The following VPS13A variants were observed in gnomAD, a reference collection of about 807,000 sequenced individuals.
VPS13A encodes the protein vacuolar protein sorting 13 homolog A.
Under a neutral mutation model 390.9 loss-of-function variants are expected in VPS13A, and 264 were observed. The ratio of observed to expected loss-of-function variants is 0.68; its 90% CI spans 0.61 to 0.75. The LOEUF is 0.75. Ranked by LOEUF, VPS13A falls within the 30% of genes least tolerant of loss-of-function variation. The pLI is 0.00. For missense variants in VPS13A, 3,409 were observed against 3,733.9 expected (o/e 0.91, Z 2.27); for synonymous variants, 1,231 against 1,227.1 (o/e 1.00, Z -0.07).
At chr9:77,240,293 G>A (rs1446974652) in intron 19 of VPS13A, among the ~76,000 whole-genome samples, 2 of 151,456 alleles carry the variant, frequency 1.3e-5, no homozygotes, top group Non-Finnish European at 2.9e-5. Context: ...CACTGTGTTG[G>A]CCAGGCTGGT....
intron 1 of VPS13A, among the ~76,000 whole-genome samples, chr9:77,178,759 C>A (rs778846807): frequency 6.6e-6 from 1 of 152,118 alleles, no homozygotes; most frequent in Non-Finnish European, 1.5e-5. Flanking sequence ...AAATTAGACT[C>A]CTTTGTGAAA....
chr9:77,187,902 T>G (rs897283514), intron 1 of VPS13A, among the ~76,000 whole-genome samples: 3 of 152,190 alleles, frequency 2.0e-5, no homozygotes. Flanking sequence ...GTTTGTTGTT[T>G]CCTTCTTTGT....
At chr9:77,196,483 T>A (rs1825009603) in intron 1 of VPS13A, among the ~76,000 whole-genome samples, 1 of 152,150 alleles carries the variant, frequency 6.6e-6, no homozygotes, top group Non-Finnish European at 1.5e-5. Flanking sequence ...CTATTTCCCC[T>A]CTCGCCAGTA....
intron 10 of VPS13A, among the ~76,000 whole-genome samples, chr9:77,217,801 G>A (rs1433018195): frequency 1.4e-5 from 2 of 145,962 alleles, no homozygotes; most frequent in African/African-American, 2.5e-5. Context: ...TTTTTGGATA[G>A]AATGGTTTCT....
intron 35 of VPS13A, among the ~76,000 whole-genome samples, chr9:77,313,791 A>G (rs1269455856): frequency 1.3e-5 from 2 of 152,176 alleles, no homozygotes; most frequent in Non-Finnish European, 2.9e-5. Context: ...CAAGTGTTCA[A>G]TTAATATTCC....
chr9:77,312,469 C>G (rs1829138851), intron 35 of VPS13A, among the ~76,000 whole-genome samples: 1 of 151,672 alleles, frequency 6.6e-6, no homozygotes, highest in Non-Finnish European at 1.5e-5. Context: ...CTTTGTCACC[C>G]AGGCTGGAGT....
chr9:77,265,204 T>C (rs1223572281), intron 23 of VPS13A, among the ~76,000 whole-genome samples: 2 of 152,160 alleles, frequency 1.3e-5, no homozygotes, highest in Non-Finnish European at 2.9e-5. Flanking sequence ...TTGCCAGTAG[T>C]TTATTGAGGA....
At chr9:77,255,185 A>G (rs1825370499) in intron 22 of VPS13A, among the ~76,000 whole-genome samples, 1 of 152,036 alleles carries the variant, frequency 6.6e-6, no homozygotes, top group Non-Finnish European at 1.5e-5. Context: ...TAGTTTGCTA[A>G]CTTTTTATTA....
chr9:77,348,768 A>G (rs1831303609), intron 52 of VPS13A, among the ~76,000 whole-genome samples: 1 of 152,210 alleles, frequency 6.6e-6, no homozygotes, highest in Non-Finnish European at 1.5e-5. Context: ...TGAGACATGT[A>G]CACACAGATA....
chr9:77,331,409 G>T (rs906945173), intron 45 of VPS13A, among the ~76,000 whole-genome samples: 3 of 151,786 alleles, frequency 2.0e-5, no homozygotes, highest in African/African-American at 7.3e-5. Context: ...TTTGCAGTTT[G>T]TTGGTATTAA....
rs748595388 is a variant in VPS13A at position 77,357,692 on chromosome 9, G to A, written c.7807G>A (p.Val2603Ile). The change falls in exon 56 of 72, where the codon GTT (valine) becomes ATT (isoleucine). Residue 2603 changes from valine to isoleucine, a missense_variant and splice_region_variant. Around this residue, in one of 5 missense-constraint regions of VPS13A, gnomAD observed 221 missense variants for 300.7 expected, o/e 0.73. Coordinates refer to ENST00000360280, the MANE Select transcript of VPS13A (RefSeq NM_033305.3). ...KVIQLDTNVPVRLTPTGHNMK... is the reference protein window; with the variant it reads ...KVIQLDTNVPIRLTPTGHNMK... ...TCATTTGGGGGGACATATTTTTCAG[G>A]TTCGCCTAACCCCTACTGGTCATAA... 1 of 1,613,318 alleles carries A rather than the reference G, an allele frequency of 6.2e-7. No homozygotes were observed. Among genetic ancestry groups the A allele is most frequent in the Non-Finnish European group, 8.5e-7 (1 of 1,179,770 alleles).
chr9:77,275,935 A>G, intron 25 of VPS13A, 130 bp from the exon 26 acceptor site: 1 of 1,024,660 alleles, frequency 9.8e-7, no homozygotes, highest in Non-Finnish European at 1.4e-6. Flanking sequence ...GTGGGTATAA[A>G]ATCTCTCCTA....
At chr9:77,337,592 T>G in intron 47 of VPS13A, 55 bp downstream of exon 47, 1 of 1,557,046 alleles carries the variant, frequency 6.4e-7, no homozygotes, top group Non-Finnish European at 8.8e-7. Flanking sequence ...GTTTCAGTTT[T>G]TTAAGATTAA....
At position 77,221,564 on chromosome 9, in the gene VPS13A, T is replaced by C. The variant is rs530018332; in HGVS notation, c.1161+208T>C. On this transcript the variant is annotated intron_variant, in intron 13 of 71. Coordinates refer to ENST00000360280, the MANE Select transcript of VPS13A (RefSeq NM_033305.3). Reference sequence around the variant, plus strand: ...CCAGTGAGCTTTTGAAATTCGAGATTATTCTCAATCGGAAGGAATTTGGGT... The same window carrying C: ...CCAGTGAGCTTTTGAAATTCGAGATCATTCTCAATCGGAAGGAATTTGGGT... 3.9e-5 allele frequency among the ~76,000 whole-genome samples: 6 copies of C among 152,276 alleles called. No individual in the cohort carries two copies. The South Asian group carries it at 1.2e-3, about 32-fold the overall frequency.
chr9:77,289,234 TG>T (rs1827511026), intron 31 of VPS13A, among the ~76,000 whole-genome samples: 1 of 152,296 alleles, frequency 6.6e-6, no homozygotes, highest in South Asian at 2.1e-4. Context: ...TGGCTTAAAA[TG>T]GGTTTCTTAC....
At position 77,260,225 on chromosome 9, in the gene VPS13A, G is replaced by A. The variant is rs1327100271; in HGVS notation, c.2427+1G>A. ...ATCTGCCCCTGTCAAATCATTCCAGGTAATGTTACTTTCAAAATTAATATA... is the reference window on the plus strand; with the variant it reads ...ATCTGCCCCTGTCAAATCATTCCAGATAATGTTACTTTCAAAATTAATATA... On this transcript the variant is annotated splice_donor_variant, in intron 23 of 71. Transcript: ENST00000360280. LOFTEE classifies it high-confidence loss of function. The A allele has an allele frequency of 6.2e-7, 1 of 1,612,346 alleles. No individual in the cohort carries two copies. Among genetic ancestry groups the A allele is most frequent in the Non-Finnish European group, 8.5e-7 (1 of 1,179,276 alleles).
chr9:77,304,978 G>GC (rs1046998779), intron 34 of VPS13A, among the ~76,000 whole-genome samples: 2 of 144,724 alleles, frequency 1.4e-5, no homozygotes, highest in Non-Finnish European at 3.0e-5. Context: ...TCGCTCTGTT[G>GC]CCCAGGCTGG....
chr9:77,184,620 A>G (rs558193402), intron 1 of VPS13A, among the ~76,000 whole-genome samples: 5 of 152,364 alleles, frequency 3.3e-5, no homozygotes, highest in African/African-American at 9.6e-5. Context: ...CTCCGTCTCA[A>G]AAAAACAAAA....
chr9:77,374,395 TAGTC>T (rs369784162), intron 67 of VPS13A, among the ~76,000 whole-genome samples: 10 of 152,272 alleles, frequency 6.6e-5, no homozygotes, highest in East Asian at 5.8e-4. Flanking sequence ...AATACCGCAA[TAGTC>T]AGGATGATAA....
Sources: allele counts gnomAD v4.1 joint callset (sites outside exome capture counted in the v4.1 genomes callset), GRCh38; gene constraint gnomAD v4.1.1; regional missense constraint gnomAD v4.1.1; transcripts MANE v1.5; gene names NCBI Gene and HGNC (gene_info 2026-07-23, HGNC 2026-07-21).